The following MAP3K2 variants were observed in gnomAD, a reference collection of about 807,000 sequenced individuals.
MAP3K2 encodes the protein MAP/ERK kinase kinase 2.
Under a neutral mutation model 80.3 loss-of-function variants are expected in MAP3K2, and 24 were observed. The ratio of observed to expected loss-of-function variants is 0.30; its 90% CI spans 0.22 to 0.42. The LOEUF (loss-of-function observed/expected upper bound fraction) is 0.42. MAP3K2 is among the 10% of genes least tolerant of loss of function. The probability of loss-of-function intolerance (pLI) is 1.00; values close to 1 mark genes in which losing one functional copy is unlikely to be tolerated. For missense variants in MAP3K2, 608 were observed against 750.1 expected (o/e 0.81, Z 2.21); for synonymous variants, 244 against 253.7 (o/e 0.96, Z 0.36).
intron 1 of MAP3K2, among the ~76,000 whole-genome samples, chr2:127,382,637 G>C (rs1687265841): frequency 6.6e-6 from 1 of 152,186 alleles, no homozygotes; most frequent in Non-Finnish European, 1.5e-5. Context: ...GGTTCAAGCA[G>C]TTCTCCTGCC....
chr2:127,332,318 T>TA (rs1558979390), intron 5 of MAP3K2, among the ~76,000 whole-genome samples: 3 of 152,246 alleles, frequency 2.0e-5, no homozygotes, highest in Non-Finnish European at 2.9e-5. Flanking sequence ...TCTGAATACT[T>TA]ACTTTTATTA....
chr2:127,386,141 A>G lies in MAP3K2; in HGVS notation c.-66+1311T>C, dbSNP rs1458567946. Among the ~76,000 whole-genome samples the G allele has an allele frequency of 3.3e-5, 5 of 152,260 alleles. No homozygotes were observed. The East Asian group carries it at 5.8e-4, about 18-fold the overall frequency. ...TATACTAGGAAAATTACAGAGTAAT[A>G]TAACTGGGCATCAATAGATTTGTTA... On this transcript the variant is annotated intron_variant, in intron 1 of 16. Transcript: ENST00000682094.
At chr2:127,375,452 C>T (rs1687136297) in intron 1 of MAP3K2, among the ~76,000 whole-genome samples, 1 of 150,888 alleles carries the variant, frequency 6.6e-6, no homozygotes. Flanking sequence ...ACTCTGTCAC[C>T]AAGCTGGAGT....
At chr2:127,384,374 G>C (rs909995535) in intron 1 of MAP3K2, among the ~76,000 whole-genome samples, 1 of 152,128 alleles carries the variant, frequency 6.6e-6, no homozygotes, top group Non-Finnish European at 1.5e-5. Flanking sequence ...ACAGTGATCA[G>C]ATTCTTCTGA....
chr2:127,381,886 G>A (rs189690568), intron 1 of MAP3K2, among the ~76,000 whole-genome samples: 248 of 151,012 alleles, frequency 1.6e-3, no homozygotes, highest in Middle Eastern at 3.4e-3. Flanking sequence ...CTGGTATGGG[G>A]GAATACAGGA....
chr2:127,314,956 C>A, intron 14 of MAP3K2, 73 bp from the exon 15 acceptor site: 1 of 1,084,398 alleles, frequency 9.2e-7, no homozygotes, highest in Non-Finnish European at 1.3e-6. Flanking sequence ...AAATCTTTAT[C>A]AGTAAAGAGG....
At chr2:127,330,070 C>A (rs1040525129) in intron 6 of MAP3K2, 62 bp from the exon 7 acceptor site, 23 of 939,036 alleles carry the variant, frequency 2.4e-5, no homozygotes, top group Non-Finnish European at 3.8e-5. Context: ...ACAGAATCCT[C>A]TCCCCTACCA....
intron 1 of MAP3K2, among the ~76,000 whole-genome samples, chr2:127,367,810 A>G (rs1385428025): frequency 1.3e-5 from 2 of 152,190 alleles, no homozygotes; most frequent in East Asian, 3.9e-4. Flanking sequence ...AACCTCCATA[A>G]TACCATTAAA....
intron 1 of MAP3K2, among the ~76,000 whole-genome samples, chr2:127,357,879 G>A (rs1686822277): frequency 6.6e-6 from 1 of 152,036 alleles, no homozygotes; most frequent in Admixed American, 6.6e-5. Flanking sequence ...AAAAATTATG[G>A]TGACCTTGAC....
intron 14 of MAP3K2, among the ~76,000 whole-genome samples, chr2:127,317,421 C>G (rs1166496645): frequency 6.6e-6 from 1 of 152,058 alleles, no homozygotes; most frequent in African/African-American, 2.4e-5. Context: ...TGTCTGTAAC[C>G]TACTTGAGAA....
intron 1 of MAP3K2, among the ~76,000 whole-genome samples, chr2:127,383,519 C>T (rs1230285813): frequency 6.6e-6 from 1 of 152,094 alleles, no homozygotes; most frequent in Admixed American, 6.5e-5. Context: ...TTTTTGTACA[C>T]TGATTTTGTA....
Position 127,321,893 on chromosome 2 carries a change from T to C in MAP3K2, c.1045+153A>G, listed in dbSNP as rs577387331. On this transcript the variant is annotated intron_variant, in intron 12 of 16. Transcript: ENST00000682094. The surrounding 1 kb of genome is among the most constrained non-coding windows in gnomAD (Gnocchi z 4.4). ...TTAGCAGTGATACCATGCTTATACCTGACATTCCAACCACCTTTAGAAACA... is the reference window on the plus strand; with the variant it reads ...TTAGCAGTGATACCATGCTTATACCCGACATTCCAACCACCTTTAGAAACA... Among the ~76,000 whole-genome samples, 13 of 152,358 alleles carry C rather than the reference T, an allele frequency of 8.5e-5. No individual in the cohort carries two copies. Among genetic ancestry groups the C allele is most frequent in the South Asian group, 2.1e-4 (1 of 4,828 alleles).
chr2:127,315,283 A>C (rs532283841), intron 14 of MAP3K2, among the ~76,000 whole-genome samples: 14 of 152,234 alleles, frequency 9.2e-5, no homozygotes, highest in African/African-American at 3.4e-4. Context: ...AAACTTCCCT[A>C]GTGATTCCAA....
Position 127,301,252 on chromosome 2 carries a change from T to C in MAP3K2, c.*6327A>G, listed in dbSNP as rs1306072855. On this transcript the variant is annotated 3_prime_UTR_variant, in exon 17 of 17. Coordinates refer to ENST00000682094, the MANE Select transcript of MAP3K2 (RefSeq NM_001371910.2). ...CTCAAGTCAAACATAAGTTCATAAATGTTAAGACACTAGGAAGAAAGTTCG... is the reference window on the plus strand; with the variant it reads ...CTCAAGTCAAACATAAGTTCATAAACGTTAAGACACTAGGAAGAAAGTTCG... 3 of 152,258 alleles carry C rather than the reference T, an allele frequency of 2.0e-5. No homozygotes were observed. Among genetic ancestry groups the C allele is most frequent in the Non-Finnish European group, 4.4e-5 (3 of 68,042 alleles). The allele number at this position is 152,258 out of a possible 1,614,324, so 9.4% of individuals were successfully genotyped here.
intron 14 of MAP3K2, chr2:127,316,973 T>C (rs1685918149): frequency 6.6e-6 from 1 of 150,848 alleles, no homozygotes; most frequent in Non-Finnish European, 1.5e-5. Context: ...AAGCATTCCA[T>C]ATAACTAAAA....
intron 15 of MAP3K2, among the ~76,000 whole-genome samples, chr2:127,309,124 AAGCC>A (rs1454098453): frequency 1.3e-5 from 2 of 152,190 alleles, no homozygotes; most frequent in Non-Finnish European, 2.9e-5. Context: ...ATAAAGCAAG[AAGCC>A]CATGGATGAA....
chr2:127,356,137 T>G (rs138506552), intron 1 of MAP3K2, among the ~76,000 whole-genome samples: 4 of 152,134 alleles, frequency 2.6e-5, no homozygotes, highest in African/African-American at 9.7e-5. Flanking sequence ...CCCTTCAAAG[T>G]TGTCCATCAG....
At chr2:127,361,034 C>T (rs1474121452) in intron 1 of MAP3K2, among the ~76,000 whole-genome samples, 4 of 151,978 alleles carry the variant, frequency 2.6e-5, no homozygotes, top group African/African-American at 9.7e-5. Flanking sequence ...CAAATTTAGG[C>T]AGGGCGCGGT....
chr2:127,348,619 G>T (rs1301538196), intron 1 of MAP3K2, among the ~76,000 whole-genome samples: 2 of 152,126 alleles, frequency 1.3e-5, no homozygotes, highest in African/African-American at 4.8e-5. Context: ...GAATGAGTAT[G>T]AAGTATCTTT....
Sources: allele counts gnomAD v4.1 joint callset (sites outside exome capture counted in the v4.1 genomes callset), GRCh38; gene constraint gnomAD v4.1.1; non-coding constraint Gnocchi (gnomAD v3.1); transcripts MANE v1.5; gene names NCBI Gene and HGNC (gene_info 2026-07-23, HGNC 2026-07-21).